The following MIPOL1 variants were observed in gnomAD, a reference collection of about 807,000 sequenced individuals.
MIPOL1 encodes the protein mirror-image polydactyly gene 1 protein.
Under a neutral mutation model 60.9 loss-of-function variants are expected in MIPOL1, and 57 were observed. The observed-to-expected ratio is 0.94, with a 90% CI of 0.76 to 1.17. The LOEUF is 1.17. Among genes scored for constraint, MIPOL1 ranks in the 50% most tolerant of loss-of-function variants. The pLI is 0.00. For missense variants in MIPOL1, 551 were observed against 511.6 expected (o/e 1.08, Z -0.74); for synonymous variants, 179 against 168.8 (o/e 1.06, Z -0.47).
At chr14:37,446,167 C>T (rs2038721635) in intron 11 of MIPOL1, among the ~76,000 whole-genome samples, 1 of 152,108 alleles carries the variant, frequency 6.6e-6, no homozygotes. Flanking sequence ...TTTTTGCAAC[C>T]TACTCATCTG....
At chr14:37,540,553 G>T (rs1422502348) in intron 12 of MIPOL1, among the ~76,000 whole-genome samples, 1 of 152,032 alleles carries the variant, frequency 6.6e-6, no homozygotes, top group Non-Finnish European at 1.5e-5. Context: ...TGGAGGAATG[G>T]GTAAGCCGAT....
intron 11 of MIPOL1, among the ~76,000 whole-genome samples, chr14:37,495,931 G>C (rs1284411084): frequency 2.0e-5 from 3 of 146,588 alleles, no homozygotes; most frequent in Non-Finnish European, 4.5e-5. Context: ...GTCTTCTTTT[G>C]AGAAGTGTCT....
intron 1 of MIPOL1, among the ~76,000 whole-genome samples, chr14:37,227,349 T>A (rs1360444052): frequency 6.6e-6 from 1 of 152,180 alleles, no homozygotes; most frequent in South Asian, 2.1e-4. Context: ...ATAATTTGAA[T>A]TTTTTTAAGT....
At chr14:37,504,906 A>C (rs992837171) in intron 12 of MIPOL1, 5 of 152,210 alleles carry the variant, frequency 3.3e-5, no homozygotes, top group African/African-American at 1.2e-4. Flanking sequence ...CACAATAAAA[A>C]ATGACAAAGG....
intron 9 of MIPOL1, among the ~76,000 whole-genome samples, chr14:37,308,903 A>G (rs1471815314): frequency 6.6e-6 from 1 of 152,044 alleles, no homozygotes; most frequent in Non-Finnish European, 1.5e-5. Context: ...TGCCTAATTC[A>G]GTACCTTTTA....
chr14:37,327,122 C>T (rs1454508684), intron 9 of MIPOL1, among the ~76,000 whole-genome samples: 1 of 152,046 alleles, frequency 6.6e-6, no homozygotes, highest in African/African-American at 2.4e-5. Flanking sequence ...TGCTTAATCC[C>T]TTATTTCTTA....
chr14:37,243,309 G>A (rs1972642248), intron 1 of MIPOL1, among the ~76,000 whole-genome samples: 1 of 152,180 alleles, frequency 6.6e-6, no homozygotes, highest in South Asian at 2.1e-4. Flanking sequence ...CACACTGGGT[G>A]AAAGAGATTC....
At chr14:37,502,899 T>C (rs1413486246) in intron 12 of MIPOL1, 1 of 152,114 alleles carries the variant, frequency 6.6e-6, no homozygotes, top group Non-Finnish European at 1.5e-5. Flanking sequence ...AATGGCTAAC[T>C]AGAATAAACA....
chr14:37,339,086 CAG>C (rs1260463268), intron 9 of MIPOL1, among the ~76,000 whole-genome samples: 1 of 152,162 alleles, frequency 6.6e-6, no homozygotes, highest in Non-Finnish European at 1.5e-5. Flanking sequence ...ATTTATAAAA[CAG>C]TGGACTTGTA....
At chr14:37,477,748 T>A (rs113126173) in intron 11 of MIPOL1, among the ~76,000 whole-genome samples, 3,224 of 152,252 alleles carry the variant, frequency 0.021, 100 homozygotes, top group African/African-American at 0.072. Context: ...CTGCAATATA[T>A]CTTTTCTGTG....
intron 7 of MIPOL1, among the ~76,000 whole-genome samples, chr14:37,299,618 T>G (rs971327058): frequency 1.3e-5 from 2 of 152,068 alleles, no homozygotes; most frequent in Non-Finnish European, 2.9e-5. Context: ...TTTTAAAAAG[T>G]GTAGAATAGT....
At chr14:37,299,686 G>A (rs901256906) in intron 7 of MIPOL1, among the ~76,000 whole-genome samples, 2 of 151,996 alleles carry the variant, frequency 1.3e-5, no homozygotes, top group African/African-American at 4.8e-5. Flanking sequence ...TAATCCTCAC[G>A]ACTTTCTCTT....
intron 9 of MIPOL1, among the ~76,000 whole-genome samples, chr14:37,360,971 C>T (rs1025923022): frequency 5.3e-5 from 8 of 152,108 alleles, no homozygotes; most frequent in Non-Finnish European, 8.8e-5. Context: ...TATAAATTTC[C>T]GCCTACACAC....
chr14:37,247,945 G>A, intron 3 of MIPOL1, 38 bp downstream of exon 3: 1 of 1,606,672 alleles, frequency 6.2e-7, no homozygotes, highest in Non-Finnish European at 8.5e-7. Flanking sequence ...AGCCCCAGGT[G>A]TTGTTCTAGT....
chr14:37,485,630 T>A (rs187222547), intron 11 of MIPOL1, among the ~76,000 whole-genome samples: 45 of 152,358 alleles, frequency 3.0e-4, no homozygotes, highest in Non-Finnish European at 1.5e-5. Flanking sequence ...TAATGTCTTC[T>A]TTTGAGAAGT....
At chr14:37,499,782 A>G in intron 11 of MIPOL1, 126 bp from the exon 12 acceptor site, 1 of 492,316 alleles carries the variant, frequency 2.0e-6, no homozygotes, top group African/African-American at 1.9e-5. Context: ...AATTATTTTC[A>G]TTTGCTCATT....
At chr14:37,444,132 T>G (rs1458490355) in intron 11 of MIPOL1, among the ~76,000 whole-genome samples, 2 of 152,160 alleles carry the variant, frequency 1.3e-5, no homozygotes, top group East Asian at 3.9e-4. Context: ...CTGCTTTTAT[T>G]TGCAGATGAT....
intron 1 of MIPOL1, among the ~76,000 whole-genome samples, chr14:37,201,080 T>A (rs193300329): frequency 1.8e-4 from 27 of 151,728 alleles, no homozygotes; most frequent in Admixed American, 1.4e-3. Flanking sequence ...ATTTTAATAT[T>A]TTTTTGTGGA....
intron 11 of MIPOL1, among the ~76,000 whole-genome samples, chr14:37,466,135 T>A (rs1049583806): frequency 6.6e-6 from 1 of 152,160 alleles, no homozygotes; most frequent in African/African-American, 2.4e-5. Context: ...AACATTTCCT[T>A]ATGACAGCAG....
Sources: gnomAD v4.1 joint callset for allele counts (sites outside exome capture counted in the v4.1 genomes callset) on GRCh38, gnomAD v4.1.1 for gene constraint, MANE v1.5 for transcripts, NCBI Gene and HGNC (gene_info 2026-07-23, HGNC 2026-07-21) for gene names.